Variants in FAM53A observed in about 807,000 individuals in gnomAD.
FAM53A encodes the protein family with sequence similarity 53 member A.
A neutral mutation model predicts 26.6 loss-of-function variants in FAM53A; 28 were observed. That is an observed-to-expected ratio of 1.05 (90% CI 0.78 to 1.45). The LOEUF is 1.45. Among genes scored for constraint, FAM53A ranks in the 40% most tolerant of loss-of-function variants. The pLI, the probability that FAM53A is intolerant of heterozygous loss-of-function variation, is 0.00. For missense variants in FAM53A, 650 were observed against 575.8 expected (o/e 1.13, Z -1.32); for synonymous variants, 290 against 253.1 (o/e 1.15, Z -1.38).
intron 1 of FAM53A, among the ~76,000 whole-genome samples, chr4:1,674,652 G>A (rs1279753358): frequency 2.2e-5 from 3 of 137,106 alleles, no homozygotes; most frequent in Non-Finnish European, 4.7e-5. Context: ...TTGGGCAACA[G>A]AGTGAGACTC....
At chr4:1,638,140 C>T (rs1419038474), downstream of FAM53A, among the ~76,000 whole-genome samples, 1 of 152,036 alleles carries the variant, frequency 6.6e-6, no homozygotes, top group Non-Finnish European at 1.5e-5. Context: ...TGCCCCCGGC[C>T]TCAGGCAGGT....
In FAM53A at chr4:1,654,982, G is replaced by C; in HGVS notation, c.878C>G (p.Thr293Ser). The change falls in exon 4 of 5, where the codon ACC becomes AGC. Residue 293 changes from threonine (T) to serine (S), a missense_variant. By Grantham distance (58) the Thr-to-Ser change is moderately conservative. Coordinates refer to ENST00000308132, the MANE Select transcript of FAM53A (RefSeq NM_001174070.3). ...CTGGAAATAAGAAAGCCTCACCTGG[G>C]TCATTTTCAGGAAGTCCAAGGATGG... ...TRPSLDFLKM[T>S]QTLKNSKSLC... The C allele has an allele frequency of 6.6e-7, 1 of 1,518,592 alleles. No individual in the cohort carries two copies. Among genetic ancestry groups the C allele is most frequent in the South Asian group, 1.3e-5 (1 of 76,620 alleles). The allele number at this position is 1,518,592 out of a possible 1,614,324, so 94.1% of individuals were successfully genotyped here. A position where few individuals can be genotyped will look rare whatever the true frequency, so the allele number is the denominator to read the frequency against.
At chr4:1,602,275 C>T in the FAM53A span, among the ~76,000 whole-genome samples, 1 of 152,222 alleles carries the variant, frequency 6.6e-6, no homozygotes, top group East Asian at 1.9e-4. Context: ...TCCCAAATTG[C>T]CTCCAAATGA....
downstream of FAM53A, among the ~76,000 whole-genome samples, chr4:1,638,323 G>GGACC (rs1715938407): frequency 6.6e-6 from 1 of 152,082 alleles, no homozygotes; most frequent in Non-Finnish European, 1.5e-5. Flanking sequence ...GGCAGACAGG[G>GGACC]GACCCAAGGG....
chr4:1,640,771 G>T lies in FAM53A; in HGVS notation c.*522C>A. 2.7e-6 allele frequency: 1 copy of T among 370,992 alleles called. No individual in the cohort carries two copies. The highest frequency in any genetic ancestry group is 2.0e-5 in the South Asian group (1 of 51,256). 23.0% of individuals were successfully genotyped at this position (370,992 alleles called of 1,614,324 possible). A position where few individuals can be genotyped will look rare whatever the true frequency, so the allele number is the denominator to read the frequency against. On this transcript the variant is annotated 3_prime_UTR_variant, in exon 5 of 5. Transcript: ENST00000308132. ...CTGTGCCCCAGGGCAGGTGCCGGTGGCAGCCATGGCCCCGACCAGCTCACA... is the reference window on the plus strand; with the variant it reads ...CTGTGCCCCAGGGCAGGTGCCGGTGTCAGCCATGGCCCCGACCAGCTCACA...
intron 4 of FAM53A, among the ~76,000 whole-genome samples, chr4:1,652,168 CACACGCCACACACACCAT>C (rs1435866003): frequency 1.4e-5 from 2 of 143,618 alleles, no homozygotes; most frequent in South Asian, 2.3e-4. Flanking sequence ...ACACACACCC[CACACGCCACACACACCAT>C]ACACGCCACA....
At chr4:1,649,528 T>G (rs1712561580) in intron 4 of FAM53A, among the ~76,000 whole-genome samples, 1 of 152,256 alleles carries the variant, frequency 6.6e-6, no homozygotes. Flanking sequence ...AAATCTCAGC[T>G]GGTGAGGACC....
In FAM53A at chr4:1,655,670, C is replaced by T. The variant is rs1354680969; in HGVS notation, c.190G>A (p.Ala64Thr). ...AGGAAGGAGAAATCAGGGCCCGTGG[C>T]TGCCTGGCTTCTGACGGGCGGTCCT... ...SGGPPVRSQA[A>T]TGPDFSFLPG... Residue 64 changes from alanine to threonine, a missense_variant, in exon 4 of 5, where the codon GCC becomes ACC. Ala to Thr is a moderately conservative substitution (Grantham distance 58). Coordinates refer to ENST00000308132, the MANE Select transcript of FAM53A (RefSeq NM_001174070.3). The T allele has an allele frequency of 4.4e-6, 7 of 1,595,570 alleles. No individual in the cohort carries two copies. The highest frequency in any genetic ancestry group is 4.0e-5 in the African/African-American group (3 of 74,358).
chr4:1,640,361 A>G lies in FAM53A; in HGVS notation c.*932T>C, dbSNP rs1278705739. 1 of 246,946 alleles carries G rather than the reference A, an allele frequency of 4.0e-6. No individual in the cohort carries two copies. The highest frequency in any genetic ancestry group is 2.4e-5 in the African/African-American group (1 of 42,012). The allele number at this position is 246,946 out of a possible 1,614,324, so 15.3% of individuals were successfully genotyped here. ...TCGGGAGGGGGGGACACACGGGGCC[A>G]GTGGGACTCTGACCACCAACGCCCG... On this transcript the variant is annotated 3_prime_UTR_variant, in exon 5 of 5. Transcript: ENST00000308132.
At chr4:1,670,703 G>A (rs1395387065) in intron 1 of FAM53A, among the ~76,000 whole-genome samples, 2 of 152,170 alleles carry the variant, frequency 1.3e-5, no homozygotes, top group Admixed American at 6.5e-5. Flanking sequence ...AGGGTCAGCC[G>A]GGCCCACTTG....
At chr4:1,680,344 A>C (rs1283722890) in intron 1 of FAM53A, among the ~76,000 whole-genome samples, 1 of 150,246 alleles carries the variant, frequency 6.7e-6, no homozygotes, top group Non-Finnish European at 1.5e-5. Flanking sequence ...AAAAAAAAAA[A>C]ACACACCACT....
At chr4:1,614,342 T>TGC (rs1435501413), downstream of FAM53A, among the ~76,000 whole-genome samples, 1,024 of 136,884 alleles carry the variant, frequency 7.5e-3, 128 homozygotes, top group African/African-American at 0.031. Flanking sequence ...GTGAGGGGGA[T>TGC]ACAGAGAAGT....
chr4:1,677,085 C>T (rs1483934302), intron 1 of FAM53A, among the ~76,000 whole-genome samples: 3 of 152,156 alleles, frequency 2.0e-5, no homozygotes, highest in African/African-American at 7.2e-5. Flanking sequence ...ACTCGGGGCA[C>T]CCCTCCCCCT....
intron 4 of FAM53A, chr4:1,644,588 C>T (rs948843305): frequency 1.5e-5 from 7 of 461,466 alleles, no homozygotes; most frequent in East Asian, 6.6e-5. Context: ...GCGCCAGCCC[C>T]GGGGCTCCGT....
At chr4:1,656,718 C>G (rs764962638) in intron 3 of FAM53A, among the ~76,000 whole-genome samples, 2 of 152,176 alleles carry the variant, frequency 1.3e-5, no homozygotes, top group Non-Finnish European at 2.9e-5. Flanking sequence ...CTACTTCCAT[C>G]TACTCATGAA....
At chr4:1,661,431 G>A (rs1006790790) in intron 2 of FAM53A, among the ~76,000 whole-genome samples, 5 of 152,094 alleles carry the variant, frequency 3.3e-5, no homozygotes, top group Non-Finnish European at 5.9e-5. Context: ...TGCAGGAAGT[G>A]AGCACCATAT....
At chr4:1,635,619 A>G (rs938547245), downstream of FAM53A, among the ~76,000 whole-genome samples, 7 of 152,082 alleles carry the variant, frequency 4.6e-5, no homozygotes, top group African/African-American at 1.7e-4. Context: ...TGAGGACTGT[A>G]AATTCCCTTC....
At chr4:1,592,560 AC>A in the FAM53A span, among the ~76,000 whole-genome samples, 2 of 151,888 alleles carry the variant, frequency 1.3e-5, no homozygotes, top group Non-Finnish European at 2.9e-5. Context: ...CGCCGGCCAC[AC>A]CCAGGGGCCC....
At chr4:1,645,306 G>C (rs1462317717) in intron 4 of FAM53A, among the ~76,000 whole-genome samples, 1 of 152,254 alleles carries the variant, frequency 6.6e-6, no homozygotes, top group South Asian at 2.1e-4. Context: ...CAGGCGAGGA[G>C]GCCAGTGTGA....
Sources: gnomAD v4.1 joint callset for allele counts (sites outside exome capture counted in the v4.1 genomes callset) on GRCh38, gnomAD v4.1.1 for gene constraint, MANE v1.5 for transcripts, NCBI Gene and HGNC (gene_info 2026-07-23, HGNC 2026-07-21) for gene names.